Variants in GALNT12 observed in about 807,000 individuals in gnomAD.
GALNT12 encodes polypeptide N-acetylgalactosaminyltransferase 12, also known as UDP-GalNAc:polypeptide N-acetylgalactosaminyltransferase 12.
In GALNT12, 45 loss-of-function variants were observed where a neutral mutation model predicts 55.5. The observed-to-expected ratio is 0.81, with a 90% CI of 0.64 to 1.04. GALNT12 has a LOEUF of 1.04. GALNT12 is among the 50% of genes least tolerant of loss of function. The pLI is 0.00. For synonymous variants in GALNT12, 304 were observed against 312.2 expected, an observed-to-expected ratio of 0.97 and a Z score of 0.28; for missense variants, 709 against 754.8, an observed-to-expected ratio of 0.94 and a Z score of 0.71.
intron 1 of GALNT12, among the ~76,000 whole-genome samples, chr9:98,813,709 A>G (rs994679390): frequency 6.6e-6 from 1 of 151,864 alleles, no homozygotes; most frequent in Non-Finnish European, 1.5e-5. Context: ...CATGTTGGTC[A>G]GGCTGGTCTT....
intron 7 of GALNT12, among the ~76,000 whole-genome samples, chr9:98,842,809 A>T (rs1564262003): frequency 9.6e-6 from 1 of 104,192 alleles, no homozygotes; most frequent in Non-Finnish European, 1.8e-5. Context: ...TAACCATATT[A>T]AAAAAAAAGT....
At chr9:98,814,700 A>AG (rs1835574243) in intron 1 of GALNT12, among the ~76,000 whole-genome samples, 2 of 152,120 alleles carry the variant, frequency 1.3e-5, no homozygotes, top group Admixed American at 1.3e-4. Flanking sequence ...AAAAAAAAAA[A>AG]AAGGAAGATC....
At chr9:98,831,616 A>G (rs908183724) in intron 3 of GALNT12, 156 bp from the exon 4 acceptor site, 7 of 357,952 alleles carry the variant, frequency 2.0e-5, no homozygotes, top group Non-Finnish European at 2.3e-5. Context: ...GGGCTCTGAC[A>G]CGGCTGCAGA....
chr9:98,812,106 C>A (rs1470242065), intron 1 of GALNT12, among the ~76,000 whole-genome samples: 1 of 152,150 alleles, frequency 6.6e-6, no homozygotes, highest in East Asian at 1.9e-4. Flanking sequence ...TTTATGAATT[C>A]TTATTAGATC....
chr9:98,843,375 A>G (rs1007899955), intron 7 of GALNT12, among the ~76,000 whole-genome samples: 11 of 152,150 alleles, frequency 7.2e-5, no homozygotes, highest in East Asian at 1.9e-4. Context: ...CAAACATACC[A>G]TGCTCTAAAG....
intron 9 of GALNT12, 53 bp from the exon 10 acceptor site, chr9:98,848,899 A>G: frequency 6.2e-7 from 1 of 1,607,238 alleles, no homozygotes; most frequent in Non-Finnish European, 8.5e-7. Context: ...ACATGTCTTT[A>G]GGAAAAAGAG....
chr9:98,826,753 G>A lies in GALNT12; in HGVS notation c.543G>A (p.Glu181=), dbSNP rs1240735465. ...VILVDDYSDR[E]HLKERLANEL... is the part of the protein sequence containing the mutation. ...CTGTTGCTTTGTTTGCCTCCCTAGA[G>A]CACCTGAAGGAGCGCTTGGCCAATG... Residue 181 remains glutamate, a splice_region_variant and synonymous_variant, in exon 3 of 10, where the codon GAG becomes GAA. Coordinates refer to ENST00000375011, the MANE Select transcript of GALNT12 (RefSeq NM_024642.5). 1.2e-6 allele frequency: 2 copies of A among 1,611,010 alleles called. No homozygotes were observed. Among genetic ancestry groups the A allele is most frequent in the Non-Finnish European group, 1.7e-6 (2 of 1,179,610 alleles).
intron 1 of GALNT12, among the ~76,000 whole-genome samples, chr9:98,808,392 C>T (rs984922106): frequency 6.6e-6 from 1 of 152,170 alleles, no homozygotes; most frequent in Non-Finnish European, 1.5e-5. Flanking sequence ...CCCCCCAGCA[C>T]CCAAAGGACA....
intron 8 of GALNT12, 164 bp downstream of exon 8, chr9:98,844,373 C>T: frequency 1.6e-6 from 1 of 633,894 alleles, no homozygotes; most frequent in Non-Finnish European, 2.8e-6. Flanking sequence ...GTGTTTTCTT[C>T]CCATCATTTT....
chr9:98,825,333 A>G (rs1835833728), intron 2 of GALNT12, among the ~76,000 whole-genome samples: 2 of 152,212 alleles, frequency 1.3e-5, no homozygotes, highest in South Asian at 4.1e-4. Flanking sequence ...TCTCATAAAA[A>G]TGTGAGGCAG....
At chr9:98,824,023 C>T (rs1006593988) in intron 2 of GALNT12, among the ~76,000 whole-genome samples, 2 of 152,210 alleles carry the variant, frequency 1.3e-5, no homozygotes, top group Non-Finnish European at 2.9e-5. Flanking sequence ...AAGTCTGTAA[C>T]AGCAGGTAGA....
intron 1 of GALNT12, among the ~76,000 whole-genome samples, chr9:98,813,689 G>A (rs752505421): frequency 4.6e-5 from 7 of 151,896 alleles, no homozygotes; most frequent in African/African-American, 1.4e-4. Context: ...TAGTAGAAAC[G>A]GGGTTTCACC....
chr9:98,830,351 G>T (rs1835963791), intron 3 of GALNT12, among the ~76,000 whole-genome samples: 1 of 152,190 alleles, frequency 6.6e-6, no homozygotes, highest in South Asian at 2.1e-4. Flanking sequence ...AACCAGGTAG[G>T]GCTCCTGGCA....
At chr9:98,840,222 A>G in intron 7 of GALNT12, 89 bp downstream of exon 7, 2 of 1,545,022 alleles carry the variant, frequency 1.3e-6, no homozygotes, top group Non-Finnish European at 1.8e-6. Flanking sequence ...AGGCCACGTC[A>G]TGGGGAGCAC....
chr9:98,838,633 G>A (rs1836214221), intron 6 of GALNT12, among the ~76,000 whole-genome samples: 1 of 152,224 alleles, frequency 6.6e-6, no homozygotes, highest in Non-Finnish European at 1.5e-5. Flanking sequence ...TTGGGCTTCA[G>A]ATGAAACACA....
intron 5 of GALNT12, 128 bp downstream of exon 5, chr9:98,835,494 C>CT: frequency 3.9e-6 from 3 of 765,878 alleles, no homozygotes; most frequent in Non-Finnish European, 7.2e-6. Context: ...AACATGCTTG[C>CT]TTTCTTGTTT....
chr9:98,839,876 G>A lies in GALNT12; in HGVS notation c.1213-126G>A, dbSNP rs1444364741. 3 of 1,147,486 alleles carry A rather than the reference G, an allele frequency of 2.6e-6. No homozygotes were observed. In the African/African-American group the frequency reaches 4.6e-5, roughly 17 times the overall value. 71.1% of individuals were successfully genotyped at this position (1,147,486 alleles called of 1,614,324 possible). Reference sequence around the variant, plus strand: ...TTCTATCCTCTGTGCTCCACACAGGGCCTGGCATGCGACGAATGCTCCATC... The same window carrying A: ...TTCTATCCTCTGTGCTCCACACAGGACCTGGCATGCGACGAATGCTCCATC... On this transcript the variant is annotated intron_variant, in intron 6 of 9. Transcript: ENST00000375011.
At chr9:98,823,954 G>A (rs571491148) in intron 2 of GALNT12, among the ~76,000 whole-genome samples, 185 of 152,322 alleles carry the variant, frequency 1.2e-3, no homozygotes, top group Middle Eastern at 3.4e-3. Context: ...GCATCAGCCC[G>A]TGAATCCTTG....
chr9:98,823,733 G>T (rs1311784765), intron 2 of GALNT12, among the ~76,000 whole-genome samples: 1 of 152,236 alleles, frequency 6.6e-6, no homozygotes, highest in East Asian at 1.9e-4. Context: ...ACCATAAGGG[G>T]TTGAGGCTTA....
Sources: allele counts gnomAD v4.1 joint callset (sites outside exome capture counted in the v4.1 genomes callset), GRCh38; gene constraint gnomAD v4.1.1; transcripts MANE v1.5; gene names NCBI Gene and HGNC (gene_info 2026-07-23, HGNC 2026-07-21).